The following RAB27B variants were observed in gnomAD, a reference collection of about 807,000 sequenced individuals.
RAB27B encodes RAB27B, member RAS oncogene family, also known as ras-related protein Rab-27B.
A neutral mutation model predicts 24.6 loss-of-function variants in RAB27B; 15 were observed. The ratio of observed to expected loss-of-function variants is 0.61; its 90% CI spans 0.41 to 0.94. The LOEUF (loss-of-function observed/expected upper bound fraction) is 0.94, where lower values mean the gene tolerates loss of function less well. Among genes scored for constraint, RAB27B ranks in the 40% least tolerant of loss-of-function variants. The pLI is 0.00. For missense variants in RAB27B, 261 were observed against 266.8 expected, an observed-to-expected ratio of 0.98 and a Z score of 0.15; for synonymous variants, 105 against 92.5, an observed-to-expected ratio of 1.14 and a Z score of -0.78.
At chr18:54,767,989 A>G (rs1908418349) in intron 2 of RAB27B, among the ~76,000 whole-genome samples, 2 of 152,292 alleles carry the variant, frequency 1.3e-5, no homozygotes, top group South Asian at 4.1e-4. Context: ...CCCTTCTTCC[A>G]AGAATCTCCG....
chr18:54,808,833 T>G (rs138814004), intron 2 of RAB27B, among the ~76,000 whole-genome samples: 46 of 152,138 alleles, frequency 3.0e-4, no homozygotes, highest in African/African-American at 1.1e-3. Flanking sequence ...CAGAAAAATA[T>G]GGAAAATAAT....
chr18:54,850,592 C>T (rs1911542576), intron 1 of RAB27B, among the ~76,000 whole-genome samples: 1 of 150,746 alleles, frequency 6.6e-6, no homozygotes, highest in Admixed American at 6.6e-5. Context: ...GTCTCAAACT[C>T]CTGCCTCAGG....
chr18:54,726,663 A>G (rs1909546752), intron 2 of RAB27B, among the ~76,000 whole-genome samples: 1 of 151,670 alleles, frequency 6.6e-6, no homozygotes. Flanking sequence ...CAGTAATAAT[A>G]CTGGAGGAAA....
At chr18:54,762,871 T>A (rs1020306064) in intron 2 of RAB27B, among the ~76,000 whole-genome samples, 5 of 152,214 alleles carry the variant, frequency 3.3e-5, no homozygotes, top group Non-Finnish European at 5.9e-5. Context: ...GCCAGGGATT[T>A]TTACTCTTTT....
chr18:54,853,174 G>A (rs1272019891), intron 1 of RAB27B, among the ~76,000 whole-genome samples: 1 of 152,118 alleles, frequency 6.6e-6, no homozygotes, highest in African/African-American at 2.4e-5. Flanking sequence ...TGAAAACTGA[G>A]GATATGCTGT....
At chr18:54,853,904 CT>C (rs564092765) in intron 1 of RAB27B, among the ~76,000 whole-genome samples, 24 of 152,212 alleles carry the variant, frequency 1.6e-4, no homozygotes, top group African/African-American at 5.8e-4. Context: ...TTTTGTGTAG[CT>C]TTTTGCCTGT....
intron 2 of RAB27B, among the ~76,000 whole-genome samples, chr18:54,763,264 T>C (rs1908249536): frequency 6.6e-6 from 1 of 152,194 alleles, no homozygotes; most frequent in African/African-American, 2.4e-5. Flanking sequence ...TATTTTAATG[T>C]ATGTTAATAA....
intron 2 of RAB27B, among the ~76,000 whole-genome samples, chr18:54,768,367 A>G (rs1908433133): frequency 6.6e-6 from 1 of 152,136 alleles, no homozygotes; most frequent in South Asian, 2.1e-4. Context: ...TGGCAAACAA[A>G]TTTTAATTTA....
At chr18:54,740,816 T>C (rs1183480648) in intron 2 of RAB27B, among the ~76,000 whole-genome samples, 1 of 152,020 alleles carries the variant, frequency 6.6e-6, no homozygotes, top group Admixed American at 6.6e-5. Context: ...AGACAGATGA[T>C]AGATAGATAG....
intron 2 of RAB27B, among the ~76,000 whole-genome samples, chr18:54,783,954 G>C (rs9966908): frequency 2.6e-5 from 4 of 152,230 alleles, no homozygotes; most frequent in African/African-American, 9.6e-5. Context: ...CCAGAGGTAG[G>C]GTCAATGTTA....
chr18:54,788,332 T>C (rs970075012), intron 2 of RAB27B, among the ~76,000 whole-genome samples: 2 of 152,226 alleles, frequency 1.3e-5, no homozygotes, highest in African/African-American at 2.4e-5. Flanking sequence ...TGAGAGAGTC[T>C]CACTCTGTCA....
At chr18:54,723,352 G>A (rs1909420786) in intron 2 of RAB27B, among the ~76,000 whole-genome samples, 1 of 152,060 alleles carries the variant, frequency 6.6e-6, no homozygotes, top group Non-Finnish European at 1.5e-5. Flanking sequence ...TATTGGGATT[G>A]GGTTTTATGA....
chr18:54,806,473 T>C (rs1909793208), intron 2 of RAB27B, among the ~76,000 whole-genome samples: 1 of 147,836 alleles, frequency 6.8e-6, no homozygotes, highest in Non-Finnish European at 1.5e-5. Context: ...TATATAATGA[T>C]ATATATAAAT....
At chr18:54,853,209 C>T (rs1911656018) in intron 1 of RAB27B, among the ~76,000 whole-genome samples, 1 of 152,134 alleles carries the variant, frequency 6.6e-6, no homozygotes, top group Non-Finnish European at 1.5e-5. Flanking sequence ...GGCAATGTGT[C>T]AGTGAGGGCA....
At chr18:54,833,293 C>T (rs1910765525) in intron 1 of RAB27B, among the ~76,000 whole-genome samples, 1 of 143,216 alleles carries the variant, frequency 7.0e-6, no homozygotes. Context: ...ATGGCACGAT[C>T]TCAGCTCATT....
At chr18:54,776,100 GT>G (rs529261098) in intron 2 of RAB27B, among the ~76,000 whole-genome samples, 1 of 152,224 alleles carries the variant, frequency 6.6e-6, no homozygotes, top group Non-Finnish European at 1.5e-5. Flanking sequence ...GCTTGGCGGT[GT>G]TTTTTGTTGT....
chr18:54,834,688 T>TGC (rs1910823472), intron 1 of RAB27B, among the ~76,000 whole-genome samples: 2 of 151,992 alleles, frequency 1.3e-5, no homozygotes, highest in East Asian at 3.9e-4. Context: ...TATATGTGTG[T>TGC]GTGTGTGTGT....
chr18:54,879,816 G>C, intron 3 of RAB27B: 2 of 190,334 alleles, frequency 1.1e-5, no homozygotes, highest in Non-Finnish European at 2.2e-5. Flanking sequence ...AGGGTGTTAA[G>C]ATCTTCCTTG....
At chr18:54,762,624 G>A (rs1046172961) in intron 2 of RAB27B, among the ~76,000 whole-genome samples, 5 of 152,106 alleles carry the variant, frequency 3.3e-5, no homozygotes, top group African/African-American at 1.2e-4. Flanking sequence ...TCCTTCAGAT[G>A]TGTGCTAGGC....
Sources: allele counts gnomAD v4.1 joint callset (sites outside exome capture counted in the v4.1 genomes callset), GRCh38; gene constraint gnomAD v4.1.1; transcripts MANE v1.5; gene names NCBI Gene and HGNC (gene_info 2026-07-23, HGNC 2026-07-21).